HS1BP3: variants seen among roughly 807,000 people sequenced by gnomAD.
HS1BP3 encodes the protein HCLS1-binding protein 3.
In HS1BP3, 32 loss-of-function variants were observed where a neutral mutation model predicts 33.5. That is an observed-to-expected ratio of 0.95 (90% CI 0.72 to 1.28). HS1BP3 has a LOEUF of 1.28. HS1BP3 is among the 50% of genes most tolerant of loss of function. The pLI is 0.00. For missense variants in HS1BP3, 486 were observed against 502.3 expected (o/e 0.97, Z 0.31); for synonymous variants, 187 against 209.2 (o/e 0.89, Z 0.92).
chr2:20,568,261 T>C (rs1693183841), intron 5 of HS1BP3, among the ~76,000 whole-genome samples: 1 of 151,868 alleles, frequency 6.6e-6, no homozygotes, highest in Admixed American at 6.6e-5. Context: ...AGGAATGACT[T>C]AGAGGAGGGC....
chr2:20,619,656 A>G (rs1165643053), intron 6 of HS1BP3, among the ~76,000 whole-genome samples: 1 of 152,224 alleles, frequency 6.6e-6, no homozygotes, highest in East Asian at 1.9e-4. Flanking sequence ...TCTTATCCTC[A>G]AAACGCCACT....
chr2:20,621,017 G>C (rs1029923183), intron 6 of HS1BP3, among the ~76,000 whole-genome samples: 9 of 152,266 alleles, frequency 5.9e-5, no homozygotes, highest in Non-Finnish European at 1.5e-5. Context: ...GGTGAGCCTG[G>C]CATGAATAGG....
chr2:20,566,295 A>C (rs1482505370), intron 5 of HS1BP3, among the ~76,000 whole-genome samples: 4 of 152,204 alleles, frequency 2.6e-5, no homozygotes, highest in Non-Finnish European at 5.9e-5. Context: ...AGACACAGAC[A>C]CTGCTTGGGC....
At chr2:20,607,331 T>C (rs2149284896) in intron 2 of HS1BP3, among the ~76,000 whole-genome samples, 1 of 152,270 alleles carries the variant, frequency 6.6e-6, no homozygotes, top group Admixed American at 6.5e-5. Context: ...AATTTTTGTA[T>C]TTTTAGAAGA....
chr2:20,572,859 C>T (rs1027615516), intron 5 of HS1BP3, among the ~76,000 whole-genome samples: 1 of 152,154 alleles, frequency 6.6e-6, no homozygotes, highest in East Asian at 1.9e-4. Flanking sequence ...GTGCTCCTTG[C>T]ACTTCTAACT....
At chr2:20,642,503 A>T (rs2149302629) in intron 2 of HS1BP3, among the ~76,000 whole-genome samples, 1 of 152,350 alleles carries the variant, frequency 6.6e-6, no homozygotes, top group East Asian at 1.9e-4. Flanking sequence ...AGCGATTGCT[A>T]ACACAGGCTC....
intron 4 of HS1BP3, 53 bp from the exon 5 acceptor site, chr2:20,624,945 T>G (rs2149292373): frequency 1.2e-6 from 2 of 1,605,322 alleles, no homozygotes; most frequent in East Asian, 2.2e-5. Flanking sequence ...AGTGTCCAGG[T>G]GGTCCGGTCA....
At chr2:20,631,884 C>T (rs1226577825) in intron 4 of HS1BP3, among the ~76,000 whole-genome samples, 1 of 152,192 alleles carries the variant, frequency 6.6e-6, no homozygotes, top group Non-Finnish European at 1.5e-5. Flanking sequence ...GGGACAATGG[C>T]CAGGCCACAT....
chr2:20,566,174 T>C (rs1029802262), intron 5 of HS1BP3, among the ~76,000 whole-genome samples: 2 of 152,254 alleles, frequency 1.3e-5, no homozygotes, highest in African/African-American at 4.8e-5. Flanking sequence ...AGTTCACTCC[T>C]TGGGGAGCCC....
At chr2:20,646,748 G>T (rs541468308) in intron 1 of HS1BP3, among the ~76,000 whole-genome samples, 52 of 152,380 alleles carry the variant, frequency 3.4e-4, no homozygotes, top group African/African-American at 1.2e-3. Flanking sequence ...GTCACCCACG[G>T]TGTCACTGCC....
chr2:20,636,154 C>T (rs1421634630), intron 4 of HS1BP3: 1 of 152,274 alleles, frequency 6.6e-6, no homozygotes, highest in Non-Finnish European at 1.5e-5. Flanking sequence ...GAGGGGTGCA[C>T]AAACAGCCTC....
At chr2:20,608,698 T>C (rs1694253665) in intron 2 of HS1BP3, among the ~76,000 whole-genome samples, 1 of 152,114 alleles carries the variant, frequency 6.6e-6, no homozygotes, top group South Asian at 2.1e-4. Context: ...CATCCTCTAC[T>C]TTCTCCAGGG....
intron 3 of HS1BP3, among the ~76,000 whole-genome samples, chr2:20,593,381 GT>G (rs1412903062): frequency 6.6e-6 from 1 of 152,158 alleles, no homozygotes; most frequent in Non-Finnish European, 1.5e-5. Context: ...TGTTTTGTCA[GT>G]TTTGTTCACT....
rs1325049245 is a variant in HS1BP3 at position 20,619,110 on chromosome 2, C to T, written c.1056G>A (p.Pro352=). Residue 352 remains proline (P), a synonymous_variant, in exon 7 of 7, where the codon CCG becomes CCA. Coordinates refer to ENST00000304031, the MANE Select transcript of HS1BP3 (RefSeq NM_022460.4). The part of the protein sequence containing the change: ...RKPAVPPKAG[P]AEAVAGQQKP... The stretch of plus-strand genomic sequence containing the variant: ...TCTGCTGCCCAGCCACAGCTTCAGC[C>T]GGGCCCGCTTTGGGGGGAACAGCTG... 2.2e-5 allele frequency: 36 copies of T among 1,614,172 alleles called. No homozygotes were observed. The highest frequency in any genetic ancestry group is 2.9e-5 in the Non-Finnish European group (34 of 1,180,020).
chr2:20,620,505 A>C (rs922781740), intron 6 of HS1BP3, among the ~76,000 whole-genome samples: 1 of 152,192 alleles, frequency 6.6e-6, no homozygotes, highest in Non-Finnish European at 1.5e-5. Flanking sequence ...TGGTCTCTAC[A>C]AGCTTCGGCT....
chr2:20,589,119 A>G (rs1693750556), downstream of HS1BP3, among the ~76,000 whole-genome samples: 1 of 152,176 alleles, frequency 6.6e-6, no homozygotes, highest in African/African-American at 2.4e-5. Context: ...GGGCCACAGA[A>G]TGGACCACTA....
At position 20,618,732 on chromosome 2, in the gene HS1BP3, T is replaced by G; in HGVS notation, c.*255A>C. ...GGCATCCCCACACCCTCCCTCCCCT[T>G]CATGTCCACGGGGAATAAGACACAT... On this transcript the variant is annotated 3_prime_UTR_variant, in exon 7 of 7. Transcript: ENST00000304031. 1 of 1,297,382 alleles carries G rather than the reference T, an allele frequency of 7.7e-7. No individual in the cohort carries two copies. Among genetic ancestry groups the G allele is most frequent in the Non-Finnish European group, 9.8e-7 (1 of 1,023,332 alleles). 80.4% of individuals were successfully genotyped at this position (1,297,382 alleles called of 1,614,324 possible).
Position 20,638,472 on chromosome 2 carries a change from T to C in HS1BP3, c.587A>G (p.Glu196Gly). ...LKGEDAEESL[E>G]EEEALDPLGI... Reference sequence around the variant, plus strand: ...CAGAGGGTCCAGCGCCTCCTCCTCCTCCAAGGATTCCTCAGCATCCTCGCC... The same window carrying C: ...CAGAGGGTCCAGCGCCTCCTCCTCCCCCAAGGATTCCTCAGCATCCTCGCC... The change falls in exon 4 of 7, where the codon GAG (glutamate) becomes GGG (glycine). Residue 196 changes from glutamate to glycine, a missense_variant. Coordinates refer to ENST00000304031, the MANE Select transcript of HS1BP3 (RefSeq NM_022460.4). 6.2e-7 allele frequency: 1 copy of C among 1,614,208 alleles called. No individual in the cohort carries two copies. Among genetic ancestry groups the C allele is most frequent in the African/African-American group, 1.3e-5 (1 of 75,078 alleles).
the HS1BP3 span, among the ~76,000 whole-genome samples, chr2:20,555,016 C>T: frequency 1.3e-5 from 2 of 152,194 alleles, no homozygotes; most frequent in African/African-American, 4.8e-5. Context: ...TGTGCATTCA[C>T]ACACCCTTTC....
Sources: allele counts gnomAD v4.1 joint callset (sites outside exome capture counted in the v4.1 genomes callset), GRCh38; gene constraint gnomAD v4.1.1; transcripts MANE v1.5; gene names NCBI Gene and HGNC (gene_info 2026-07-23, HGNC 2026-07-21).